Variants in PAX7 observed in about 807,000 individuals in gnomAD.
PAX7 encodes paired box 7, also known as paired box protein Pax-7.
A neutral mutation model predicts 50.7 loss-of-function variants in PAX7; 18 were observed. The ratio of observed to expected loss-of-function variants is 0.36; its 90% CI spans 0.25 to 0.53. The LOEUF (loss-of-function observed/expected upper bound fraction) is 0.53, where lower values mean the gene tolerates loss of function less well. PAX7 is among the 20% of genes least tolerant of loss of function. PAX7 has a pLI of 0.93. For synonymous variants in PAX7, 310 were observed against 290.4 expected, an observed-to-expected ratio of 1.07 and a Z score of -0.69; for missense variants, 644 against 702.9, an observed-to-expected ratio of 0.92 and a Z score of 0.95.
At chr1:18,702,749 C>T (rs908857530) in intron 6 of PAX7, among the ~76,000 whole-genome samples, 8 of 152,186 alleles carry the variant, frequency 5.3e-5, no homozygotes, top group Non-Finnish European at 1.0e-4. Context: ...GCTCACAAAA[C>T]AAAACAGACT....
chr1:18,730,563 G>A (rs1195210282), intron 7 of PAX7, among the ~76,000 whole-genome samples: 4 of 146,584 alleles, frequency 2.7e-5, no homozygotes, highest in South Asian at 4.4e-4. Context: ...CCCAATGATG[G>A]CGATTGCCCC....
chr1:18,697,827 T>C (rs969395642), intron 5 of PAX7, among the ~76,000 whole-genome samples: 1 of 152,166 alleles, frequency 6.6e-6, no homozygotes, highest in African/African-American at 2.4e-5. Flanking sequence ...CTGAGCTTAT[T>C]GCACTGAAAA....
chr1:18,721,138 G>A (rs1188077367), intron 7 of PAX7, among the ~76,000 whole-genome samples: 1 of 152,092 alleles, frequency 6.6e-6, no homozygotes, highest in Non-Finnish European at 1.5e-5. Flanking sequence ...CCAGGTGTCT[G>A]TGGCGAGGAC....
chr1:18,716,264 C>T (rs938865656), intron 7 of PAX7, among the ~76,000 whole-genome samples: 6 of 152,182 alleles, frequency 3.9e-5, no homozygotes, highest in Admixed American at 3.9e-4. Flanking sequence ...GGCCTGGGTG[C>T]GCCCTAATTC....
intron 6 of PAX7, 115 bp from the exon 7 acceptor site, chr1:18,702,979 C>A: frequency 1.1e-6 from 1 of 949,296 alleles, no homozygotes. Context: ...GTGGTCCCTT[C>A]CCTCCAAGGA....
At chr1:18,728,587 G>A (rs112417164) in intron 7 of PAX7, among the ~76,000 whole-genome samples, 9 of 151,870 alleles carry the variant, frequency 5.9e-5, no homozygotes, top group Non-Finnish European at 1.3e-4. Context: ...CTGACCGGGC[G>A]TCGTGGCTCA....
chr1:18,734,753 C>T (rs1389817651), intron 7 of PAX7, among the ~76,000 whole-genome samples: 3 of 152,200 alleles, frequency 2.0e-5, no homozygotes, highest in African/African-American at 4.8e-5. Flanking sequence ...TCCTCTCCCC[C>T]GACCGAGGGC....
intron 4 of PAX7, among the ~76,000 whole-genome samples, chr1:18,666,885 C>T (rs2088676969): frequency 6.6e-6 from 1 of 152,188 alleles, no homozygotes; most frequent in Non-Finnish European, 1.5e-5. Context: ...ATTGAATTTC[C>T]TCTTCGACTC....
chr1:18,664,197 C>T (rs557085585), intron 4 of PAX7, among the ~76,000 whole-genome samples: 1 of 152,314 alleles, frequency 6.6e-6, no homozygotes, highest in East Asian at 1.9e-4. Flanking sequence ...TGGGCAGAGG[C>T]CCCAGGAAGG....
At chr1:18,654,336 GGT>G in intron 4 of PAX7, among the ~76,000 whole-genome samples, 1 of 152,332 alleles carries the variant, frequency 6.6e-6, no homozygotes, top group East Asian at 1.9e-4. Context: ...GAAGGGGAGG[GGT>G]GTCCCCTCTC....
In PAX7 at chr1:18,748,416, TCTCTC is replaced by T. The variant is rs1931534474; in HGVS notation, c.*3491_*3495del. ...ACACTTTTTGGGGGTACACAGGTCT[TCTCTC>T]CTCCCCTCCTGCAGAGGCACCAAAA... On this transcript the variant is annotated 3_prime_UTR_variant, in exon 9 of 9. Transcript: ENST00000420770. 4.3e-6 allele frequency: 1 copy of T among 231,710 alleles called. No individual in the cohort carries two copies. The highest frequency in any genetic ancestry group is 2.2e-5 in the African/African-American group (1 of 45,346). 14.4% of individuals were successfully genotyped at this position (231,710 alleles called of 1,614,324 possible). A position where few individuals can be genotyped will look rare whatever the true frequency, so the allele number is the denominator to read the frequency against.
At chr1:18,637,927 C>T (rs2100426447) in intron 4 of PAX7, among the ~76,000 whole-genome samples, 1 of 152,378 alleles carries the variant, frequency 6.6e-6, no homozygotes, top group East Asian at 1.9e-4. Flanking sequence ...CCTGCACTGC[C>T]AAGCGGTCCT....
At chr1:18,650,750 G>A (rs769821091) in intron 4 of PAX7, among the ~76,000 whole-genome samples, 2 of 152,180 alleles carry the variant, frequency 1.3e-5, no homozygotes, top group Non-Finnish European at 2.9e-5. Flanking sequence ...AAACGGAGAG[G>A]AGTCAGAAGA....
At chr1:18,643,789 G>C (rs1347751261) in intron 4 of PAX7, among the ~76,000 whole-genome samples, 1 of 152,220 alleles carries the variant, frequency 6.6e-6, no homozygotes, top group East Asian at 1.9e-4. Flanking sequence ...GGCTCGCTGC[G>C]ATCCTGCCGC....
At chr1:18,731,287 G>A (rs1337076259) in intron 7 of PAX7, among the ~76,000 whole-genome samples, 1 of 152,182 alleles carries the variant, frequency 6.6e-6, no homozygotes, top group Admixed American at 6.5e-5. Flanking sequence ...AGGTCCCCGG[G>A]AAGCCAGAGG....
At chr1:18,725,313 G>GA (rs2089548234) in intron 7 of PAX7, among the ~76,000 whole-genome samples, 1 of 25,240 alleles carries the variant, frequency 4.0e-5, no homozygotes, top group African/African-American at 2.5e-4. Context: ...CCCCCCCCCC[G>GA]CCCCACCAAC....
chr1:18,668,399 T>C (rs548309402), intron 4 of PAX7, among the ~76,000 whole-genome samples: 5 of 152,292 alleles, frequency 3.3e-5, no homozygotes, highest in East Asian at 1.9e-4. Context: ...CAGTAAATGC[T>C]TGTTAAAAAT....
At position 18,675,484 on chromosome 1, in the gene PAX7, G is replaced by A. The variant is rs570099436; in HGVS notation, c.587-16270G>A. Among the ~76,000 whole-genome samples the A allele has an allele frequency of 2.6e-4, 40 of 152,238 alleles. No individual in the cohort carries two copies. The South Asian group carries it at 8.3e-3, about 32-fold the overall frequency. On this transcript the variant is annotated intron_variant, in intron 4 of 8. Transcript: ENST00000420770. The stretch of plus-strand genomic sequence containing the variant: ...GGCCAAGGTGACATAGCATGTCAGG[G>A]CATCTCTCCTCTCCCCAGCCCAATT...
intron 8 of PAX7, among the ~76,000 whole-genome samples, chr1:18,738,681 A>G (rs1283340729): frequency 6.6e-6 from 1 of 151,792 alleles, no homozygotes; most frequent in African/African-American, 2.4e-5. Flanking sequence ...CACATTCTCC[A>G]GCCCTCCCCA....
Sources: allele counts gnomAD v4.1 joint callset (sites outside exome capture counted in the v4.1 genomes callset), GRCh38; gene constraint gnomAD v4.1.1; transcripts MANE v1.5; gene names NCBI Gene and HGNC (gene_info 2026-07-23, HGNC 2026-07-21).